The following DST variants were observed in gnomAD, a reference collection of about 807,000 sequenced individuals.
DST encodes the protein dystonin.
A neutral mutation model predicts 875.2 loss-of-function variants in DST; 253 were observed. The ratio of observed to expected loss-of-function variants is 0.29; its 90% CI spans 0.26 to 0.32. DST has a LOEUF of 0.32. Ranked by LOEUF, DST falls within the 10% of genes least tolerant of loss-of-function variation. DST has a pLI of 1.00. For missense variants in DST, 8,287 were observed against 9,111.6 expected (o/e 0.91, Z 3.68); for synonymous variants, 3,124 against 3,197.1 (o/e 0.98, Z 0.77).
Position 56,580,776 on chromosome 6 carries a change from A to G in DST, c.12904-1839T>C, listed in dbSNP as rs1456853229. 6.8e-5 allele frequency among the ~76,000 whole-genome samples: 9 copies of G among 132,398 alleles called. No individual in the cohort carries two copies. The Admixed American group carries it at 7.1e-4, about 10-fold the overall frequency. The allele number at this position is 132,398 out of a possible 152,430, so 86.9% of individuals were successfully genotyped here. On this transcript the variant is annotated intron_variant, in intron 49 of 103. Transcript: ENST00000680361. ...GGGGCAGCGTCTCACTCTGTTGCCC[A>G]GGCTGGAGTGCACTGGTACAGTCTT... is the stretch of plus-strand genomic sequence containing the variant.
In DST at chr6:56,639,332, T is replaced by C. The variant is rs2152775848; in HGVS notation, c.2891A>G (p.Glu964Gly). ...ELMRELDQKE[E>G]NIKSVQEIAE... ...TATCTCCTGAACTGATTTAATATTT[T>C]CTTCCTTTTGATCAAGTTCTCTCAT... Residue 964 changes from glutamate to glycine, a missense_variant, in exon 22 of 104, where the codon GAA (glutamate) becomes GGA (glycine). Physicochemically the swap from Glu to Gly is moderately conservative, Grantham distance 98. Transcript: ENST00000680361. 4 of 1,613,734 alleles carry C rather than the reference T, an allele frequency of 2.5e-6. 1 individual carries two copies.
intron 2 of DST, among the ~76,000 whole-genome samples, chr6:56,906,484 TAAG>T (rs1405315359): frequency 2.0e-5 from 3 of 152,078 alleles, no homozygotes; most frequent in African/African-American, 4.8e-5. Context: ...ACGTGTACAG[TAAG>T]AAGAAGACAA....
intron 10 of DST, among the ~76,000 whole-genome samples, chr6:56,658,819 A>T (rs1284591120): frequency 6.6e-6 from 1 of 152,208 alleles, no homozygotes; most frequent in East Asian, 1.9e-4. Context: ...TCAGGAGTAA[A>T]CCAGGAGAAA....
chr6:56,667,862 T>C (rs2099079978), intron 10 of DST, among the ~76,000 whole-genome samples: 1 of 151,936 alleles, frequency 6.6e-6, no homozygotes, highest in Non-Finnish European at 1.5e-5. Flanking sequence ...AATTTGTACT[T>C]ATAATTATTC....
At position 56,527,876 on chromosome 6, in the gene DST, C is replaced by T. The variant is rs139471762; in HGVS notation, c.17681-142G>A. On this transcript the variant is annotated intron_variant, in intron 67 of 103. Transcript: ENST00000680361. ...TAAAGATAATCTTACTCAAGAGAAG[C>T]CCTTTTCTAAATTTTAATCTTTCCC... 4.1e-4 allele frequency: 359 copies of T among 875,532 alleles called. 3 individuals carry two copies. The East Asian group carries it at 8.9e-3, about 22-fold the overall frequency. 54.2% of individuals were successfully genotyped at this position (875,532 alleles called of 1,614,324 possible).
chr6:56,630,439 A>C, intron 30 of DST, 56 bp from the exon 31 acceptor site: 1 of 1,487,874 alleles, frequency 6.7e-7, no homozygotes, highest in Non-Finnish European at 9.3e-7. Context: ...TTTTTGCATA[A>C]TGTAGTCCTG....
At chr6:56,785,633 G>A (rs980603027) in intron 4 of DST, 14 of 152,402 alleles carry the variant, frequency 9.2e-5, no homozygotes, top group African/African-American at 3.1e-4. Flanking sequence ...CCTTGACCAG[G>A]AAAGGGAACT....
chr6:56,753,116 G>T (rs2099592712), intron 4 of DST, among the ~76,000 whole-genome samples: 1 of 152,104 alleles, frequency 6.6e-6, no homozygotes, highest in Non-Finnish European at 1.5e-5. Flanking sequence ...TCATCTCTTT[G>T]ATTTGTATTT....
intron 32 of DST, 87 bp from the exon 33 acceptor site, chr6:56,628,248 T>A (rs923040348): frequency 3.3e-6 from 4 of 1,210,644 alleles, no homozygotes; most frequent in Non-Finnish European, 4.8e-6. Context: ...GACAAAATAA[T>A]TGGACTGCAA....
chr6:56,938,825 A>G (rs1332030055), intron 2 of DST, among the ~76,000 whole-genome samples: 1 of 152,300 alleles, frequency 6.6e-6, no homozygotes, highest in East Asian at 1.9e-4. Context: ...AAGAGGAGAG[A>G]CCATGCAGAG....
chr6:56,798,691 C>T (rs1203958230), intron 4 of DST, among the ~76,000 whole-genome samples: 2 of 152,064 alleles, frequency 1.3e-5, no homozygotes, highest in East Asian at 3.9e-4. Flanking sequence ...GCTACAGCTA[C>T]CATCAATAGT....
At chr6:56,753,138 C>T (rs908307063) in intron 4 of DST, among the ~76,000 whole-genome samples, 1 of 151,964 alleles carries the variant, frequency 6.6e-6, no homozygotes, top group Admixed American at 6.6e-5. Flanking sequence ...TGTGGTTTTA[C>T]GTAGGAGGCA....
intron 17 of DST, 127 bp from the exon 18 acceptor site, chr6:56,640,732 A>C: frequency 1.3e-6 from 1 of 767,254 alleles, no homozygotes; most frequent in Non-Finnish European, 2.2e-6. Context: ...GTTTTAGCAA[A>C]TGTGCCACAC....
At chr6:56,766,575 C>T (rs1301461858) in intron 4 of DST, among the ~76,000 whole-genome samples, 1 of 151,312 alleles carries the variant, frequency 6.6e-6, no homozygotes, top group Non-Finnish European at 1.5e-5. Context: ...CTGCCACCCA[C>T]GCTGGTATGC....
At chr6:56,459,761 T>A (rs537085335) in intron 103 of DST, among the ~76,000 whole-genome samples, 1 of 152,316 alleles carries the variant, frequency 6.6e-6, no homozygotes, top group African/African-American at 2.4e-5. Context: ...TTCATTATTT[T>A]GCGAAGCAAT....
chr6:56,579,854 C>T (rs2152640852), intron 49 of DST, among the ~76,000 whole-genome samples: 1 of 152,288 alleles, frequency 6.6e-6, no homozygotes, highest in South Asian at 2.1e-4. Context: ...GGTTGAGATG[C>T]TCAGGGCTGT....
chr6:56,531,786 C>T (rs988897241), intron 64 of DST, among the ~76,000 whole-genome samples: 10 of 152,048 alleles, frequency 6.6e-5, no homozygotes, highest in African/African-American at 1.2e-4. Flanking sequence ...CCCAGTGGAG[C>T]CAGGCTCTAG....
At chr6:56,618,482 T>C in intron 36 of DST, 1 of 1,614,230 alleles carries the variant, frequency 6.2e-7, no homozygotes, top group Non-Finnish European at 8.5e-7. Context: ...TTTGATCTGT[T>C]GGTCCATTTT....
At chr6:56,696,198 T>C (rs1205684868) in intron 9 of DST, among the ~76,000 whole-genome samples, 2 of 152,310 alleles carry the variant, frequency 1.3e-5, no homozygotes, top group South Asian at 2.1e-4. Context: ...GTTTCACTCC[T>C]GTTGCCCAGA....
Sources: allele counts gnomAD v4.1 joint callset (sites outside exome capture counted in the v4.1 genomes callset), GRCh38; gene constraint gnomAD v4.1.1; transcripts MANE v1.5; gene names NCBI Gene and HGNC (gene_info 2026-07-23, HGNC 2026-07-21).